Variants in RBFOX1 observed in about 807,000 individuals in gnomAD.
RBFOX1 encodes the protein RNA binding protein fox-1 homolog 1.
RBFOX1 carries 8 observed loss-of-function variants against 57.7 expected under a neutral mutation model. The observed-to-expected ratio is 0.14, with a 90% CI of 0.08 to 0.25. RBFOX1 has a LOEUF of 0.25. Among genes scored for constraint, RBFOX1 ranks in the 10% least tolerant of loss-of-function variants. The probability of loss-of-function intolerance (pLI) is 1.00; values close to 1 mark genes in which losing one functional copy is unlikely to be tolerated. For synonymous variants in RBFOX1, 326 were observed against 222.4 expected (o/e 1.47, Z -4.15); for missense variants, 611 against 548.5 (o/e 1.11, Z -1.14).
intron 1 of RBFOX1, among the ~76,000 whole-genome samples, chr16:6,284,342 C>G (rs1054944016): frequency 2.6e-5 from 4 of 152,110 alleles, no homozygotes; most frequent in Admixed American, 2.0e-4. Flanking sequence ...TGTACCTAAA[C>G]CAAATCCCAA....
chr16:6,831,261 G>A (rs2092689582), intron 3 of RBFOX1, among the ~76,000 whole-genome samples: 1 of 152,080 alleles, frequency 6.6e-6, no homozygotes, highest in African/African-American at 2.4e-5. Flanking sequence ...CTCTATTCTT[G>A]GCTCACCCAG....
intron 14 of RBFOX1, among the ~76,000 whole-genome samples, chr16:7,689,935 T>C (rs2076961083): frequency 6.6e-6 from 1 of 152,078 alleles, no homozygotes; most frequent in Non-Finnish European, 1.5e-5. Context: ...TGTGGTTGCA[T>C]AGTCTAAAAC....
At chr16:7,303,571 C>CA (rs200839595) in intron 4 of RBFOX1, among the ~76,000 whole-genome samples, 55 of 146,732 alleles carry the variant, frequency 3.7e-4, no homozygotes, top group South Asian at 7.1e-4. Flanking sequence ...TTGAAACAAA[C>CA]AAAAAAAATA....
chr16:7,320,922 G>C (rs1603620230), intron 4 of RBFOX1, among the ~76,000 whole-genome samples: 1 of 152,024 alleles, frequency 6.6e-6, no homozygotes, highest in Non-Finnish European at 1.5e-5. Context: ...AAACAGCCAG[G>C]GATTTTCAGA....
intron 4 of RBFOX1, among the ~76,000 whole-genome samples, chr16:7,487,098 C>G (rs908822798): frequency 6.6e-6 from 1 of 152,112 alleles, no homozygotes; most frequent in Non-Finnish European, 1.5e-5. Context: ...TGAGGTTTCT[C>G]CATGTTGGGC....
chr16:5,597,927 T>C (rs1306485842), intron 2 of RBFOX1, among the ~76,000 whole-genome samples: 1 of 152,216 alleles, frequency 6.6e-6, no homozygotes, highest in East Asian at 1.9e-4. Flanking sequence ...CTTTTGCTTC[T>C]TCACCTGTGA....
At chr16:7,279,013 A>G (rs1359466284) in intron 4 of RBFOX1, among the ~76,000 whole-genome samples, 5 of 151,910 alleles carry the variant, frequency 3.3e-5, no homozygotes, top group African/African-American at 9.7e-5. Context: ...GGATTTTAAA[A>G]TCTAAAAACT....
intron 3 of RBFOX1, among the ~76,000 whole-genome samples, chr16:6,830,044 G>A (rs1285095731): frequency 2.6e-5 from 4 of 152,018 alleles, no homozygotes; most frequent in Admixed American, 2.6e-4. Flanking sequence ...AGCCTCCCAA[G>A]TAACTAGGAT....
At chr16:7,268,227 TAC>T (rs1268275396) in intron 4 of RBFOX1, among the ~76,000 whole-genome samples, 3 of 152,210 alleles carry the variant, frequency 2.0e-5, no homozygotes, top group African/African-American at 4.8e-5. Flanking sequence ...AGCCTGTAGT[TAC>T]TGAACTGAAA....
chr16:7,375,916 C>G (rs2097677845), intron 4 of RBFOX1, among the ~76,000 whole-genome samples: 1 of 152,142 alleles, frequency 6.6e-6, no homozygotes, highest in Admixed American at 6.6e-5. Flanking sequence ...TGCCCACGTC[C>G]TGCCTTAAAT....
intron 4 of RBFOX1, among the ~76,000 whole-genome samples, chr16:5,958,978 G>A (rs1238020431): frequency 1.3e-5 from 2 of 152,136 alleles, no homozygotes; most frequent in African/African-American, 4.8e-5. Context: ...CATATAAAAT[G>A]ACATATTTGC....
intron 3 of RBFOX1, among the ~76,000 whole-genome samples, chr16:6,853,819 C>T (rs974671196): frequency 1.3e-5 from 2 of 152,114 alleles, no homozygotes; most frequent in Admixed American, 6.5e-5. Context: ...TCCTCCCCAA[C>T]GGATGACTGA....
intron 4 of RBFOX1, among the ~76,000 whole-genome samples, chr16:7,141,720 C>T (rs779679024): frequency 2.0e-5 from 3 of 152,006 alleles, no homozygotes; most frequent in African/African-American, 7.2e-5. Context: ...TCTCCTTTAC[C>T]TCATCATCCT....
rs1400622593 is a variant in RBFOX1 at position 7,006,243 on chromosome 16, C to T, written c.-15-45814C>T. The stretch of plus-strand genomic sequence containing the variant: ...GATCTCGGTTCACTGCATCCTCTGC[C>T]TCCGAGGTCCAAGCGATTCTCCTGT... On this transcript the variant is annotated intron_variant, in intron 3 of 15. Coordinates refer to ENST00000550418, the MANE Select transcript of RBFOX1 (RefSeq NM_018723.4). Among the ~76,000 whole-genome samples, 6 of 152,078 alleles carry T rather than the reference C, an allele frequency of 3.9e-5. No homozygotes were observed. The East Asian group carries it at 1.2e-3, about 29-fold the overall frequency.
chr16:6,745,643 G>T (rs8047732), intron 3 of RBFOX1, among the ~76,000 whole-genome samples: 10 of 152,024 alleles, frequency 6.6e-5, no homozygotes, highest in Admixed American at 2.0e-4. Context: ...AAGATAAATT[G>T]GTCAATATGA....
intron 12 of RBFOX1, among the ~76,000 whole-genome samples, chr16:7,659,053 G>A (rs1180569510): frequency 6.6e-6 from 1 of 152,186 alleles, no homozygotes; most frequent in Admixed American, 6.5e-5. Context: ...CTAAGCCTAA[G>A]CATCTAGTGT....
At chr16:6,219,305 C>T (rs2097356433) in intron 1 of RBFOX1, among the ~76,000 whole-genome samples, 2 of 152,038 alleles carry the variant, frequency 1.3e-5, no homozygotes, top group African/African-American at 4.8e-5. Flanking sequence ...TGCATCACTG[C>T]AAAAATACGC....
At chr16:6,990,504 A>T (rs1326443571) in intron 3 of RBFOX1, among the ~76,000 whole-genome samples, 1 of 152,120 alleles carries the variant, frequency 6.6e-6, no homozygotes, top group Non-Finnish European at 1.5e-5. Flanking sequence ...CCACCTGGGC[A>T]ACAAGAAAGA....
intron 4 of RBFOX1, among the ~76,000 whole-genome samples, chr16:7,113,551 C>T (rs1488583380): frequency 6.6e-6 from 1 of 152,096 alleles, no homozygotes; most frequent in African/African-American, 2.4e-5. Flanking sequence ...ATATATTATG[C>T]AATTATGCAC....
Sources: gnomAD v4.1 joint callset for allele counts (sites outside exome capture counted in the v4.1 genomes callset) on GRCh38, gnomAD v4.1.1 for gene constraint, MANE v1.5 for transcripts, NCBI Gene and HGNC (gene_info 2026-07-23, HGNC 2026-07-21) for gene names.